Variants in CAMKMT observed in about 807,000 individuals in gnomAD.
CAMKMT encodes the protein CaM KMT.
Under a neutral mutation model 48.0 loss-of-function variants are expected in CAMKMT, and 53 were observed. The ratio of observed to expected loss-of-function variants is 1.10; its 90% CI spans 0.89 to 1.39. The LOEUF (loss-of-function observed/expected upper bound fraction) is 1.39. Among genes scored for constraint, CAMKMT ranks in the 40% most tolerant of loss-of-function variants. The pLI, the probability that CAMKMT is intolerant of heterozygous loss-of-function variation, is 0.00. For missense variants in CAMKMT, 428 were observed against 402.7 expected (o/e 1.06, Z -0.54); for synonymous variants, 165 against 152.3 (o/e 1.08, Z -0.61).
intron 3 of CAMKMT, among the ~76,000 whole-genome samples, chr2:44,391,171 G>C (rs1681300575): frequency 6.6e-6 from 1 of 152,166 alleles, no homozygotes; most frequent in South Asian, 2.1e-4. Context: ...CAAATAAATA[G>C]ATTTGCATAG....
At chr2:44,549,230 G>C (rs1414792711) in intron 3 of CAMKMT, among the ~76,000 whole-genome samples, 1 of 152,092 alleles carries the variant, frequency 6.6e-6, no homozygotes, top group African/African-American at 2.4e-5. Context: ...AATGCCTGAG[G>C]CTCTCTCACC....
At chr2:44,391,229 A>G (rs1027684046) in intron 3 of CAMKMT, among the ~76,000 whole-genome samples, 2 of 152,212 alleles carry the variant, frequency 1.3e-5, no homozygotes, top group Non-Finnish European at 1.5e-5. Context: ...TTATGTCCAC[A>G]TTATGATAAG....
rs534701406 is a variant in CAMKMT at position 44,630,041 on chromosome 2, A to G, written c.377-74242A>G. 1.3e-3 allele frequency among the ~76,000 whole-genome samples: 203 copies of G among 151,608 alleles called. No individual in the cohort carries two copies. The Middle Eastern group carries it at 0.014, about 10-fold the overall frequency. Reference sequence around the variant, plus strand: ...CAAAACAGCATGGTACTGGTACCAAAACAGAGATATAGATCAATGGAACAG... The same window carrying G: ...CAAAACAGCATGGTACTGGTACCAAGACAGAGATATAGATCAATGGAACAG... On this transcript the variant is annotated intron_variant, in intron 3 of 10. Transcript: ENST00000378494.
At chr2:44,408,569 C>T (rs1159888654) in intron 3 of CAMKMT, among the ~76,000 whole-genome samples, 1 of 151,952 alleles carries the variant, frequency 6.6e-6, no homozygotes, top group Non-Finnish European at 1.5e-5. Flanking sequence ...AAGTGAGTTG[C>T]TCAAGGCCAC....
chr2:44,486,174 C>T (rs1192036126), intron 3 of CAMKMT, among the ~76,000 whole-genome samples: 2 of 152,102 alleles, frequency 1.3e-5, no homozygotes, highest in African/African-American at 4.8e-5. Flanking sequence ...ACCATGTTGG[C>T]CAGGCTGGCC....
At chr2:44,455,571 T>G (rs1054532139) in intron 3 of CAMKMT, among the ~76,000 whole-genome samples, 1 of 152,186 alleles carries the variant, frequency 6.6e-6, no homozygotes, top group Non-Finnish European at 1.5e-5. Flanking sequence ...ACTAGTGTCT[T>G]GAGAGTCAAA....
intron 3 of CAMKMT, among the ~76,000 whole-genome samples, chr2:44,419,391 C>G (rs1683776089): frequency 6.6e-6 from 1 of 152,160 alleles, no homozygotes; most frequent in African/African-American, 2.4e-5. Context: ...TTCCTGATCC[C>G]TAAATCTCAG....
intron 3 of CAMKMT, among the ~76,000 whole-genome samples, chr2:44,505,065 G>T (rs2104751884): frequency 6.6e-6 from 1 of 152,180 alleles, no homozygotes; most frequent in South Asian, 2.1e-4. Context: ...AATAGACCAA[G>T]AACTCACTTA....
chr2:44,547,039 G>A (rs1667447707), intron 3 of CAMKMT, among the ~76,000 whole-genome samples: 1 of 152,154 alleles, frequency 6.6e-6, no homozygotes, highest in African/African-American at 2.4e-5. Context: ...TCTGCAAAAT[G>A]TGTCCAAAAT....
chr2:44,459,290 T>C (rs966283118), intron 3 of CAMKMT, among the ~76,000 whole-genome samples: 1 of 152,202 alleles, frequency 6.6e-6, no homozygotes, highest in African/African-American at 2.4e-5. Context: ...AAAGTCATTT[T>C]ATGTATACCT....
chr2:44,570,309 C>T (rs187895880), intron 3 of CAMKMT, among the ~76,000 whole-genome samples: 8 of 152,060 alleles, frequency 5.3e-5, no homozygotes, highest in Non-Finnish European at 1.0e-4. Context: ...CAAACGGAGA[C>T]ATACAAAGCA....
At chr2:44,739,552 T>C (rs970017086) in intron 7 of CAMKMT, among the ~76,000 whole-genome samples, 1 of 152,186 alleles carries the variant, frequency 6.6e-6, no homozygotes, top group South Asian at 2.1e-4. Context: ...AGTGGAAATA[T>C]TAAAATAGGA....
At chr2:44,496,479 G>T (rs1669757613) in intron 3 of CAMKMT, among the ~76,000 whole-genome samples, 1 of 152,156 alleles carries the variant, frequency 6.6e-6, no homozygotes, top group South Asian at 2.1e-4. Context: ...AGTAACAAAA[G>T]CATTTTCCAC....
intron 3 of CAMKMT, among the ~76,000 whole-genome samples, chr2:44,672,972 T>G (rs905257414): frequency 3.3e-5 from 5 of 152,214 alleles, no homozygotes; most frequent in African/African-American, 1.2e-4. Flanking sequence ...AATTTTCTCT[T>G]ACAACAACTT....
intron 3 of CAMKMT, among the ~76,000 whole-genome samples, chr2:44,642,178 C>T (rs1243042442): frequency 2.0e-5 from 3 of 152,212 alleles, no homozygotes; most frequent in Non-Finnish European, 4.4e-5. Context: ...AAGGAAGATA[C>T]ATTTACCTTT....
At position 44,520,698 on chromosome 2, in the gene CAMKMT, C is replaced by G. The variant is rs139912763; in HGVS notation, c.376+130393C>G. ...ACCTAATCTCTCTGATGTGGTTTGG[C>G]TTTGTGTCCCCACTCAAATCTCACC... On this transcript the variant is annotated intron_variant, in intron 3 of 10. Transcript: ENST00000378494. Among the ~76,000 whole-genome samples the G allele has an allele frequency of 5.4e-4, 82 of 152,270 alleles. No individual in the cohort carries two copies. In the East Asian group the frequency reaches 8.1e-3, roughly 15 times the overall value.
intron 9 of CAMKMT, 123 bp downstream of exon 9, chr2:44,754,241 C>A: frequency 2.8e-6 from 2 of 721,198 alleles, no homozygotes; most frequent in Non-Finnish European, 4.7e-6. Context: ...TTATTATGTC[C>A]AACTTCAATT....
At chr2:44,728,978 G>T (rs1678941943) in intron 7 of CAMKMT, among the ~76,000 whole-genome samples, 1 of 143,644 alleles carries the variant, frequency 7.0e-6, no homozygotes, top group African/African-American at 2.6e-5. Flanking sequence ...ATTCCGTGTG[G>T]TTTACTGTGT....
chr2:44,523,621 C>T (rs1671241141), intron 3 of CAMKMT, among the ~76,000 whole-genome samples: 1 of 151,854 alleles, frequency 6.6e-6, no homozygotes, highest in African/African-American at 2.4e-5. Context: ...AAGATGATTT[C>T]TTTGCTCACA....
Sources: gnomAD v4.1 joint callset for allele counts (sites outside exome capture counted in the v4.1 genomes callset) on GRCh38, gnomAD v4.1.1 for gene constraint, MANE v1.5 for transcripts, NCBI Gene and HGNC (gene_info 2026-07-23, HGNC 2026-07-21) for gene names.